PARD3: variants seen among roughly 807,000 people sequenced by gnomAD.
PARD3 encodes partitioning defective 3 homolog.
Under a neutral mutation model 155.4 loss-of-function variants are expected in PARD3, and 75 were observed. That is an observed-to-expected ratio of 0.48 (90% CI 0.40 to 0.58). The LOEUF (loss-of-function observed/expected upper bound fraction) is 0.58, where lower values mean the gene tolerates loss of function less well. PARD3 is among the 20% of genes least tolerant of loss of function. PARD3 has a pLI of 0.00. For synonymous variants in PARD3, 576 were observed against 610.5 expected (o/e 0.94, Z 0.83); for missense variants, 1,642 against 1,721.7 (o/e 0.95, Z 0.82).
intron 7 of PARD3, among the ~76,000 whole-genome samples, chr10:34,396,949 A>G (rs1843406785): frequency 6.6e-6 from 1 of 152,168 alleles, no homozygotes. Flanking sequence ...TTCTTCCCCT[A>G]TCAGCTCACA....
Position 34,336,229 on chromosome 10 carries a change from T to C in PARD3, c.2575A>G (p.Lys859Glu). 2 of 1,612,416 alleles carry C rather than the reference T, an allele frequency of 1.2e-6. No individual in the cohort carries two copies. Among genetic ancestry groups the C allele is most frequent in the Non-Finnish European group, 8.5e-7 (1 of 1,178,634 alleles). The change falls in exon 18 of 25, where the codon AAA becomes GAA. Residue 859 changes from lysine to glutamate, a missense_variant. Lys to Glu is a moderately conservative substitution (Grantham distance 56). Around this residue, in one of 3 missense-constraint regions of PARD3, gnomAD observed 1,529 missense variants for 1,587.3 expected, o/e 0.96. Transcript: ENST00000374788. ...SMDLGIADET[K>E]LNTVDDQKAG... ...TTCTGGTCATCCACTGTATTGAGTTTAGTCTCGTCAGCTACTGTTAAAAGG... is the reference window on the plus strand; with the variant it reads ...TTCTGGTCATCCACTGTATTGAGTTCAGTCTCGTCAGCTACTGTTAAAAGG...
At chr10:34,513,847 T>C (rs2081549553) in intron 3 of PARD3, among the ~76,000 whole-genome samples, 1 of 152,242 alleles carries the variant, frequency 6.6e-6, no homozygotes, top group Non-Finnish European at 1.5e-5. Context: ...TATGTACCAG[T>C]GTCCTTGACC....
intron 2 of PARD3, among the ~76,000 whole-genome samples, chr10:34,608,137 T>G (rs1302272051): frequency 1.3e-5 from 2 of 152,202 alleles, no homozygotes; most frequent in Non-Finnish European, 2.9e-5. Flanking sequence ...CTCTCAATGC[T>G]GCACGGTCCC....
chr10:34,425,175 A>T lies in PARD3; in HGVS notation c.715-23258T>A, dbSNP rs562661107. On this transcript the variant is annotated intron_variant, in intron 5 of 24. Coordinates refer to ENST00000374788, the MANE Select transcript of PARD3 (RefSeq NM_001184785.2). ...TTAGAATATTTTTGCTCACCCTCCT[A>T]AGCGTTCTCTCTTTTGTCTCTCTCT... Among the ~76,000 whole-genome samples, 29 of 152,056 alleles carry T rather than the reference A, an allele frequency of 1.9e-4. No homozygotes were observed. In the South Asian group the frequency reaches 5.4e-3, roughly 28 times the overall value.
intron 19 of PARD3, among the ~76,000 whole-genome samples, chr10:34,318,945 T>C (rs566675937): frequency 7.9e-5 from 12 of 151,322 alleles, no homozygotes; most frequent in African/African-American, 2.7e-4. Flanking sequence ...TTTTGTATTT[T>C]TAGTAGTTTT....
intron 22 of PARD3, among the ~76,000 whole-genome samples, chr10:34,136,696 G>T (rs939955145): frequency 6.6e-6 from 1 of 152,050 alleles, no homozygotes; most frequent in African/African-American, 2.4e-5. Context: ...AGTCGCTCAG[G>T]TTTTTCTTTC....
intron 22 of PARD3, among the ~76,000 whole-genome samples, chr10:34,207,280 A>C (rs1216208279): frequency 6.6e-6 from 1 of 152,180 alleles, no homozygotes; most frequent in Non-Finnish European, 1.5e-5. Flanking sequence ...TTGGGTGGGG[A>C]CAAAAAGGTA....
chr10:34,690,225 C>T (rs966198307), intron 2 of PARD3, among the ~76,000 whole-genome samples: 4 of 152,112 alleles, frequency 2.6e-5, no homozygotes, highest in South Asian at 2.1e-4. Flanking sequence ...ATTACAGGTA[C>T]GAGCCAGCAT....
intron 2 of PARD3, among the ~76,000 whole-genome samples, chr10:34,517,659 ATTTG>A (rs1203650271): frequency 1.3e-5 from 2 of 152,150 alleles, no homozygotes; most frequent in African/African-American, 2.4e-5. Context: ...CAGTTAGTAA[ATTTG>A]TTTCTCTTTA....
intron 12 of PARD3, among the ~76,000 whole-genome samples, chr10:34,368,777 T>G (rs1452074663): frequency 1.4e-5 from 2 of 141,150 alleles, no homozygotes; most frequent in Non-Finnish European, 3.0e-5. Context: ...CAGTAGTTAA[T>G]GGAAATCAAT....
At chr10:34,171,949 T>G (rs1211213099) in intron 22 of PARD3, among the ~76,000 whole-genome samples, 1 of 31,396 alleles carries the variant, frequency 3.2e-5, no homozygotes, top group East Asian at 1.4e-3. Flanking sequence ...AGACTCCATC[T>G]CAAAAAAAAA....
At chr10:34,338,656 C>T (rs537789562) in intron 16 of PARD3, among the ~76,000 whole-genome samples, 27 of 152,280 alleles carry the variant, frequency 1.8e-4, no homozygotes, top group South Asian at 1.2e-3. Context: ...TTTGGATGTA[C>T]ATCAGAAATT....
chr10:34,189,699 G>A (rs183152314), intron 22 of PARD3, among the ~76,000 whole-genome samples: 1 of 152,312 alleles, frequency 6.6e-6, no homozygotes, highest in East Asian at 1.9e-4. Context: ...CTGTGCAATT[G>A]AGTTGTGAGC....
chr10:34,410,163 A>C (rs1844902915), intron 5 of PARD3, among the ~76,000 whole-genome samples: 1 of 152,210 alleles, frequency 6.6e-6, no homozygotes, highest in African/African-American at 2.4e-5. Context: ...TTTGTTTTAA[A>C]AAATAAGTGT....
chr10:34,758,651 A>C (rs1837045767), intron 1 of PARD3, among the ~76,000 whole-genome samples: 1 of 152,242 alleles, frequency 6.6e-6, no homozygotes, highest in Admixed American at 6.5e-5. Flanking sequence ...CAGACAGTGT[A>C]ATATGGAAAT....
At chr10:34,220,104 G>A (rs671228) in intron 22 of PARD3, among the ~76,000 whole-genome samples, 86,816 of 152,056 alleles carry the variant, frequency 0.57, 25,738 homozygotes, top group African/African-American at 0.71. Flanking sequence ...TATTGAAACT[G>A]AATTATTAAC....
At chr10:34,695,692 C>A (rs1181236288) in intron 2 of PARD3, among the ~76,000 whole-genome samples, 1 of 152,088 alleles carries the variant, frequency 6.6e-6, no homozygotes, top group Non-Finnish European at 1.5e-5. Flanking sequence ...ACAGTAAAGA[C>A]TGGGGAAGCA....
At chr10:34,315,312 T>C (rs1297929904) in intron 20 of PARD3, among the ~76,000 whole-genome samples, 3 of 152,202 alleles carry the variant, frequency 2.0e-5, no homozygotes, top group Non-Finnish European at 4.4e-5. Context: ...AGCTCTACCA[T>C]AGGCCTTTCT....
chr10:34,388,127 G>A (rs1842529159), intron 7 of PARD3, among the ~76,000 whole-genome samples: 1 of 152,156 alleles, frequency 6.6e-6, no homozygotes, highest in Non-Finnish European at 1.5e-5. Context: ...AGAAGAGAAA[G>A]AACATCACCC....
Sources: gnomAD v4.1 joint callset for allele counts (sites outside exome capture counted in the v4.1 genomes callset) on GRCh38, gnomAD v4.1.1 for gene constraint, gnomAD v4.1.1 regional missense constraint, MANE v1.5 for transcripts, NCBI Gene and HGNC (gene_info 2026-07-23, HGNC 2026-07-21) for gene names.